AGPS: variants seen among roughly 807,000 people sequenced by gnomAD.
AGPS encodes the protein alkyldihydroxyacetonephosphate synthase, peroxisomal.
A neutral mutation model predicts 90.7 loss-of-function variants in AGPS; 26 were observed. The ratio of observed to expected loss-of-function variants is 0.29; its 90% CI spans 0.21 to 0.40. The LOEUF is 0.40. Among genes scored for constraint, AGPS ranks in the 10% least tolerant of loss-of-function variants. The probability of loss-of-function intolerance (pLI) is 1.00; values close to 1 mark genes in which losing one functional copy is unlikely to be tolerated. For synonymous variants in AGPS, 294 were observed against 285.3 expected (o/e 1.03, Z -0.31); for missense variants, 540 against 816.1 (o/e 0.66, Z 4.12).
At chr2:177,403,569 G>A (rs1685386927) in intron 1 of AGPS, among the ~76,000 whole-genome samples, 1 of 152,092 alleles carries the variant, frequency 6.6e-6, no homozygotes, top group African/African-American at 2.4e-5. Flanking sequence ...AAAGAAAAGG[G>A]AAAATAATTT....
chr2:177,439,561 A>T (rs1358807674), intron 5 of AGPS, among the ~76,000 whole-genome samples: 1 of 152,220 alleles, frequency 6.6e-6, no homozygotes, highest in Non-Finnish European at 1.5e-5. Flanking sequence ...AAAGCTTGAA[A>T]ATAGATATTT....
intron 1 of AGPS, among the ~76,000 whole-genome samples, chr2:177,410,320 G>T (rs1008781084): frequency 1.3e-5 from 2 of 152,112 alleles, no homozygotes; most frequent in African/African-American, 4.8e-5. Context: ...CACCTCTTGA[G>T]GTTTCTGTAC....
chr2:177,403,124 T>C (rs758412118), intron 1 of AGPS, among the ~76,000 whole-genome samples: 1 of 152,168 alleles, frequency 6.6e-6, no homozygotes, highest in Non-Finnish European at 1.5e-5. Flanking sequence ...GTGTCTTCCA[T>C]ATGCTAAGCA....
At position 177,538,198 on chromosome 2, in the gene AGPS, C is replaced by G. The variant is rs762195351; in HGVS notation, c.*3C>G. The G allele has an allele frequency of 6.2e-7, 1 of 1,612,006 alleles. No homozygotes were observed. Among genetic ancestry groups the G allele is most frequent in the African/African-American group, 1.3e-5 (1 of 74,872 alleles). On this transcript the variant is annotated 3_prime_UTR_variant, in exon 20 of 20. Coordinates refer to ENST00000264167, the MANE Select transcript of AGPS (RefSeq NM_003659.4). ...TTGGAAACAGAAACCTTTTATAAAT[C>G]CATTAGTACCATTACAAAAAAATGT...
intron 2 of AGPS, among the ~76,000 whole-genome samples, chr2:177,426,318 C>T (rs1686077251): frequency 1.3e-5 from 2 of 152,128 alleles, no homozygotes; most frequent in African/African-American, 2.4e-5. Flanking sequence ...TTTCTAGATA[C>T]AGGATCATGT....
At chr2:177,525,226 A>G (rs1178887568) in intron 19 of AGPS, among the ~76,000 whole-genome samples, 1 of 152,186 alleles carries the variant, frequency 6.6e-6, no homozygotes, top group African/African-American at 2.4e-5. Context: ...ACTTAAAGAT[A>G]CTTAGATTTT....
chr2:177,500,623 T>C (rs1256797261), intron 14 of AGPS, among the ~76,000 whole-genome samples: 1 of 152,038 alleles, frequency 6.6e-6, no homozygotes, highest in African/African-American at 2.4e-5. Flanking sequence ...ACGTGCAGTA[T>C]TCTTAAAGGG....
intron 2 of AGPS, among the ~76,000 whole-genome samples, chr2:177,434,010 A>G (rs1574363462): frequency 6.6e-6 from 1 of 152,108 alleles, no homozygotes; most frequent in Non-Finnish European, 1.5e-5. Context: ...CTTTTGAGGC[A>G]CCAGCTGGGG....
intron 19 of AGPS, among the ~76,000 whole-genome samples, chr2:177,531,931 G>A (rs753677761): frequency 2.0e-5 from 3 of 151,694 alleles, no homozygotes; most frequent in African/African-American, 4.8e-5. Flanking sequence ...CGGAGGGGGC[G>A]GGGGGAAGAA....
intron 10 of AGPS, among the ~76,000 whole-genome samples, chr2:177,474,998 C>T (rs988801844): frequency 6.6e-6 from 1 of 152,190 alleles, no homozygotes; most frequent in East Asian, 1.9e-4. Flanking sequence ...GGTTTATACT[C>T]ACCTTCTTTA....
At chr2:177,411,632 T>G (rs190636105) in intron 1 of AGPS, among the ~76,000 whole-genome samples, 37 of 152,332 alleles carry the variant, frequency 2.4e-4, no homozygotes, top group Non-Finnish European at 4.6e-4. Context: ...GATCTAGCAG[T>G]AACATTATAT....
intron 8 of AGPS, among the ~76,000 whole-genome samples, chr2:177,450,551 T>A (rs1686907580): frequency 6.6e-6 from 1 of 152,214 alleles, no homozygotes; most frequent in African/African-American, 2.4e-5. Flanking sequence ...GAAAAGATTA[T>A]CCTTTCTTCA....
chr2:177,522,359 G>A (rs1689220851), intron 18 of AGPS, among the ~76,000 whole-genome samples: 1 of 152,112 alleles, frequency 6.6e-6, no homozygotes, highest in African/African-American at 2.4e-5. Flanking sequence ...CTGATCTCAA[G>A]TAGCTATTGC....
chr2:177,537,312 A>C (rs911490299), intron 19 of AGPS, among the ~76,000 whole-genome samples: 4 of 152,126 alleles, frequency 2.6e-5, no homozygotes, highest in African/African-American at 9.7e-5. Flanking sequence ...GCTGCTAACC[A>C]TTATGTTACT....
At chr2:177,506,873 TC>T (rs1688731843) in intron 15 of AGPS, among the ~76,000 whole-genome samples, 1 of 151,806 alleles carries the variant, frequency 6.6e-6, no homozygotes, top group Non-Finnish European at 1.5e-5. Context: ...AGGCATTTTC[TC>T]TGAGGATATT....
intron 11 of AGPS, among the ~76,000 whole-genome samples, chr2:177,492,863 TG>T (rs1688305151): frequency 2.0e-5 from 3 of 152,216 alleles, no homozygotes; most frequent in Admixed American, 1.3e-4. Flanking sequence ...CATATGTCTT[TG>T]CCAGACATTA....
At chr2:177,491,004 C>T (rs1299509429) in intron 11 of AGPS, among the ~76,000 whole-genome samples, 1 of 151,582 alleles carries the variant, frequency 6.6e-6, no homozygotes, top group African/African-American at 2.4e-5. Flanking sequence ...TACAGGCATG[C>T]ACCACCACGG....
intron 8 of AGPS, among the ~76,000 whole-genome samples, chr2:177,457,124 A>G (rs1316453279): frequency 6.6e-6 from 1 of 152,218 alleles, no homozygotes; most frequent in Non-Finnish European, 1.5e-5. Context: ...GGCAGAAATA[A>G]AGATGTTCTT....
At chr2:177,412,627 A>G (rs1251442418) in intron 1 of AGPS, among the ~76,000 whole-genome samples, 1 of 152,094 alleles carries the variant, frequency 6.6e-6, no homozygotes, top group Non-Finnish European at 1.5e-5. Flanking sequence ...CGCTTTGGAG[A>G]GTCCCTTCGT....
Sources: allele counts gnomAD v4.1 joint callset (sites outside exome capture counted in the v4.1 genomes callset), GRCh38; gene constraint gnomAD v4.1.1; transcripts MANE v1.5; gene names NCBI Gene and HGNC (gene_info 2026-07-23, HGNC 2026-07-21).